ITGB4: variants seen among roughly 807,000 people sequenced by gnomAD.
The protein encoded by ITGB4 is integrin subunit beta 4.
Under a neutral mutation model 207.6 loss-of-function variants are expected in ITGB4, and 159 were observed. That is an observed-to-expected ratio of 0.77 (90% confidence interval 0.67 to 0.87). The LOEUF (loss-of-function observed/expected upper bound fraction) is 0.87. Ranked by LOEUF, ITGB4 falls within the 40% of genes least tolerant of loss-of-function variation. The probability of loss-of-function intolerance (pLI) is 0.00; values close to 1 mark genes in which losing one functional copy is unlikely to be tolerated. For synonymous variants in ITGB4, 1,020 were observed against 1,062.7 expected, an observed-to-expected ratio of 0.96 and a Z score of 0.78; for missense variants, 2,278 against 2,546.8, an observed-to-expected ratio of 0.89 and a Z score of 2.27.
Position 75,742,913 on chromosome 17 carries a change from G to T in ITGB4, c.2962+152G>T, listed in dbSNP as rs919148647. The T allele has an allele frequency of 6.6e-6, 5 of 755,720 alleles. No individual in the cohort carries two copies. Among genetic ancestry groups the T allele is most frequent in the African/African-American group, 1.8e-5 (1 of 57,102 alleles). 46.8% of individuals were successfully genotyped at this position (755,720 alleles called of 1,614,324 possible). A position where few individuals can be genotyped will look rare whatever the true frequency, so the allele number is the denominator to read the frequency against. On this transcript the variant is annotated intron_variant, in intron 25 of 39. Transcript: ENST00000200181. This position sits in a 1 kb window ranked among gnomAD's most constrained non-coding sequence, Gnocchi z 5.9. ...TTTCTCCATCTGTAAAATGGGTAAG[G>T]GCTCTTTTACGGAATGCGTGGCTGT... is the stretch of plus-strand genomic sequence containing the variant.
At position 75,722,997 on chromosome 17, in the gene ITGB4, C is replaced by T. The variant is rs191188436; in HGVS notation, c.-11+1385C>T. ...AATTCCTAACTTTTATGGGAAATCT[C>T]GTTGTTTCTAACATTGGCTCCTACT... On this transcript the variant is annotated intron_variant, in intron 1 of 39. Coordinates refer to ENST00000200181, the MANE Select transcript of ITGB4 (RefSeq NM_000213.5). This position sits in a 1 kb window ranked among gnomAD's most constrained non-coding sequence, Gnocchi z 6.2. Among the ~76,000 whole-genome samples, 146 of 152,270 alleles carry T rather than the reference C, an allele frequency of 9.6e-4. 1 individual carries two copies. The highest frequency in any genetic ancestry group is 3.2e-3 in the African/African-American group (131 of 41,544).
In ITGB4 at chr17:75,724,776, A is replaced by G; in HGVS notation, c.73A>G (p.Thr25Ala). 6.2e-7 allele frequency: 1 copy of G among 1,613,476 alleles called. No individual in the cohort carries two copies. Among genetic ancestry groups the G allele is most frequent in the Non-Finnish European group, 8.5e-7 (1 of 1,179,900 alleles). ...AALISVSLSG[T>A]LANRCKKAPV... ...CTTGATCAGCGTCAGCCTCTCTGGG[A>G]CCTTGGGTGAGTCCACGTTGCCCTG... Residue 25 changes from threonine (T) to alanine (A), a missense_variant, in exon 2 of 40, where the codon ACC becomes GCC. Physicochemically the swap from Thr to Ala is moderately conservative, Grantham distance 58. Coordinates refer to ENST00000200181, the MANE Select transcript of ITGB4 (RefSeq NM_000213.5).
In ITGB4 at chr17:75,731,429, T is replaced by C; in HGVS notation, c.1215+61T>C. ...GCACAGCGCCCCACACCGAGTGGAATCGTTTAAAACAGCGGTCAAGAGCGT... is the reference window on the plus strand; with the variant it reads ...GCACAGCGCCCCACACCGAGTGGAACCGTTTAAAACAGCGGTCAAGAGCGT... On this transcript the variant is annotated intron_variant, in intron 10 of 39. Transcript: ENST00000200181. The surrounding 1 kb of genome is among the most constrained non-coding windows in gnomAD (Gnocchi z 6.8). The C allele has an allele frequency of 6.5e-7, 1 of 1,548,934 alleles. No individual in the cohort carries two copies.
Position 75,757,285 on chromosome 17 carries a change from C to G in ITGB4, c.5304C>G (p.Thr1768=), listed in dbSNP as rs768508726. The change falls in exon 39 of 40, where the codon ACC becomes ACG. Residue 1768 remains threonine (T), a synonymous_variant. Transcript: ENST00000200181. Reference sequence around the variant, plus strand: ...ACAGCAGCATCACCACCACCCACACCAGCGCCACCGAGCCCTTCCTAGTGG... The same window carrying G: ...ACAGCAGCATCACCACCACCCACACGAGCGCCACCGAGCCCTTCCTAGTGG... ...SEYSSITTTH[T]SATEPFLVDG... The G allele has an allele frequency of 6.2e-7, 1 of 1,611,884 alleles. No homozygotes were observed. Among genetic ancestry groups the G allele is most frequent in the Non-Finnish European group, 8.5e-7 (1 of 1,179,982 alleles).
At position 75,736,672 on chromosome 17, in the gene ITGB4, G is replaced by A. The variant is rs377703595; in HGVS notation, c.1968G>A (p.Lys656=). 8.1e-6 allele frequency: 13 copies of A among 1,596,892 alleles called. No individual in the cohort carries two copies. Among genetic ancestry groups the A allele is most frequent in the Admixed American group, 1.8e-5 (1 of 55,888 alleles). The change falls in exon 16 of 40, where the codon AAG becomes AAA. Residue 656 remains lysine, a synonymous_variant. Transcript: ENST00000200181. Reference sequence around the variant, plus strand: ...GTGAGGAATGCAACTTCAAGGTCAAGATGGTGGACGAGCTTAAGAGAGGTA... The same window carrying A: ...GTGAGGAATGCAACTTCAAGGTCAAAATGGTGGACGAGCTTAAGAGAGGTA... The part of the protein sequence containing the change: ...RTCEECNFKV[K]MVDELKRAEE...
chr17:75,727,717 C>T lies in ITGB4; in HGVS notation c.331C>T (p.Arg111Trp), dbSNP rs141385926. 221 of 1,613,388 alleles carry T rather than the reference C, an allele frequency of 1.4e-4. 3 individuals carry two copies. In the South Asian group the frequency reaches 1.9e-3, roughly 14 times the overall value. ...CCCCCAAGGCCTGCGGGTCCGTCTG[C>T]GGCCCGGTGAGGAGCGGCATTTTGA... ...MSPQGLRVRL[R>W]PGEERHFELE... The change falls in exon 5 of 40, where the codon CGG becomes TGG. Residue 111 changes from arginine (R) to tryptophan (W), a missense_variant. By Grantham distance (101) the Arg-to-Trp change is moderately radical. Transcript: ENST00000200181. The surrounding 1 kb of genome is among the most constrained non-coding windows in gnomAD (Gnocchi z 6.0).
At chr17:75,744,677 C>T (rs1406063026) in intron 26 of ITGB4, among the ~76,000 whole-genome samples, 2 of 152,370 alleles carry the variant, frequency 1.3e-5, no homozygotes, top group African/African-American at 4.8e-5. Flanking sequence ...GCTGGACCAG[C>T]ATCACCTTCA....
chr17:75,756,838 T>A lies in ITGB4; in HGVS notation c.5032T>A (p.Cys1678Ser), dbSNP rs778733161. ...NGDIVGYLVT[C>S]EMAQGGGPAT... is the part of the protein sequence containing the mutation. Reference sequence around the variant, plus strand: ...GGATATCGTCGGCTACCTGGTGACCTGTGAGATGGCCCAAGGAGGAGGTGC... The same window carrying A: ...GGATATCGTCGGCTACCTGGTGACCAGTGAGATGGCCCAAGGAGGAGGTGC... The change falls in exon 37 of 40, where the codon TGT becomes AGT. Residue 1678 changes from cysteine to serine, a missense_variant. Physicochemically the swap from Cys to Ser is moderately radical, Grantham distance 112. Transcript: ENST00000200181. 3 of 1,612,312 alleles carry A rather than the reference T, an allele frequency of 1.9e-6. No homozygotes were observed. The South Asian group carries it at 3.3e-5, about 18-fold the overall frequency.
At chr17:75,744,416 G>A (rs140368125) in intron 26 of ITGB4, among the ~76,000 whole-genome samples, 5 of 151,124 alleles carry the variant, frequency 3.3e-5, no homozygotes, top group East Asian at 4.0e-4. Context: ...CACCGCGCCC[G>A]GCCCAAGAGG....
At position 75,750,829 on chromosome 17, in the gene ITGB4, C is replaced by T. The variant is rs145928221; in HGVS notation, c.3624C>T (p.Ser1208=). The part of the protein sequence containing the change: ...AYGAQGEGPY[S]SLVSCRTHQE... Reference sequence around the variant, plus strand: ...GGGCTCAGGGCGAGGGACCCTACAGCTCCCTGGTGTCCTGCCGCACCCACC... The same window carrying T: ...GGGCTCAGGGCGAGGGACCCTACAGTTCCCTGGTGTCCTGCCGCACCCACC... Residue 1208 remains serine, a synonymous_variant, in exon 29 of 40, where the codon AGC becomes AGT. Transcript: ENST00000200181. The surrounding 1 kb of genome is among the most constrained non-coding windows in gnomAD (Gnocchi z 5.5). 2.5e-4 allele frequency: 400 copies of T among 1,613,418 alleles called. No homozygotes were observed. Among genetic ancestry groups the T allele is most frequent in the Non-Finnish European group, 3.1e-4 (367 of 1,180,014 alleles).
Position 75,757,324 on chromosome 17 carries a change from G to A in ITGB4, c.5329+14G>A. On this transcript the variant is annotated intron_variant, in intron 39 of 39. Transcript: ENST00000200181. Reference sequence around the variant, plus strand: ...CCTTCCTAGTGGGTGAGCACTGAGGGCTAGGGGATCCCGGCTCTCCTGGGA... The same window carrying A: ...CCTTCCTAGTGGGTGAGCACTGAGGACTAGGGGATCCCGGCTCTCCTGGGA... The A allele has an allele frequency of 1.9e-6, 3 of 1,612,600 alleles. No individual in the cohort carries two copies. The highest frequency in any genetic ancestry group is 2.5e-6 in the Non-Finnish European group (3 of 1,179,932).
chr17:75,731,024 G>C lies in ITGB4; in HGVS notation c.1092+60G>C. On this transcript the variant is annotated intron_variant, in intron 9 of 39. Coordinates refer to ENST00000200181, the MANE Select transcript of ITGB4 (RefSeq NM_000213.5). This position sits in a 1 kb window ranked among gnomAD's most constrained non-coding sequence, Gnocchi z 6.8. The stretch of plus-strand genomic sequence containing the variant: ...TCTGGGGCAGGGCAGGAAGTGGGCA[G>C]GGTGGGCAAGAGGTGTCTTGGATCA... The C allele has an allele frequency of 6.6e-7, 1 of 1,512,688 alleles. No homozygotes were observed. Among genetic ancestry groups the C allele is most frequent in the Middle Eastern group, 1.8e-4 (1 of 5,644 alleles). The allele number at this position is 1,512,688 out of a possible 1,614,324, so 93.7% of individuals were successfully genotyped here.
chr17:75,727,292 C>T lies in ITGB4; in HGVS notation c.162+15C>T, dbSNP rs1246062740. Reference sequence around the variant, plus strand: ...GCACAGACGAGGTGAGGACCTGGCCCGGGTTGGTGTGGAACAGGCAAGGGT... The same window carrying T: ...GCACAGACGAGGTGAGGACCTGGCCTGGGTTGGTGTGGAACAGGCAAGGGT... On this transcript the variant is annotated intron_variant, in intron 3 of 39. Transcript: ENST00000200181. The surrounding 1 kb of genome is among the most constrained non-coding windows in gnomAD (Gnocchi z 6.0). The T allele has an allele frequency of 2.5e-6, 4 of 1,613,574 alleles. No individual in the cohort carries two copies. The highest frequency in any genetic ancestry group is 1.7e-5 in the Admixed American group (1 of 59,970).
Position 75,727,596 on chromosome 17 carries a change from C to T in ITGB4, c.265-55C>T. The T allele has an allele frequency of 6.3e-7, 1 of 1,580,558 alleles. No individual in the cohort carries two copies. The highest frequency in any genetic ancestry group is 8.6e-7 in the Non-Finnish European group (1 of 1,163,134). On this transcript the variant is annotated intron_variant, in intron 4 of 39. Transcript: ENST00000200181. The surrounding 1 kb of genome is among the most constrained non-coding windows in gnomAD (Gnocchi z 6.0). The stretch of plus-strand genomic sequence containing the variant: ...AGTGCCCCTTGGCCGGGCTGGGCCC[C>T]CATCGGGCCTCCGGAGTGACCCTCT...
rs776632427 is a variant in ITGB4 at position 75,732,117 on chromosome 17, G to C, written c.1378-46G>C. On this transcript the variant is annotated intron_variant, in intron 11 of 39. Coordinates refer to ENST00000200181, the MANE Select transcript of ITGB4 (RefSeq NM_000213.5). The surrounding 1 kb of genome is among the most constrained non-coding windows in gnomAD (Gnocchi z 5.3). ...GAGAGCGGAAGTGTCCAGTGGCCCC[G>C]GTCCTGCTCCCCCGACGCACCCCAC... 1 of 1,610,154 alleles carries C rather than the reference G, an allele frequency of 6.2e-7. No homozygotes were observed. Among genetic ancestry groups the C allele is most frequent in the Admixed American group, 1.7e-5 (1 of 60,016 alleles).
intron 1 of ITGB4, among the ~76,000 whole-genome samples, chr17:75,721,829 G>A (rs1044050123): frequency 6.6e-6 from 1 of 152,222 alleles, no homozygotes; most frequent in Non-Finnish European, 1.5e-5. Flanking sequence ...CAGACCTCCA[G>A]GCCAGAGGAG....
At chr17:75,730,764 A>T in intron 8 of ITGB4, 111 bp from the exon 9 acceptor site, 1 of 1,141,180 alleles carries the variant, frequency 8.8e-7, no homozygotes, top group Non-Finnish European at 1.3e-6. Context: ...GCTCTGCGAC[A>T]CCACAGTAGG....
At chr17:75,751,869 C>A (rs1293438971) in intron 30 of ITGB4, 4 of 470,432 alleles carry the variant, frequency 8.5e-6, no homozygotes, top group Non-Finnish European at 1.2e-5. Context: ...CCTATGCGTG[C>A]CCTTGCCTTG....
At chr17:75,755,331 C>A in intron 34 of ITGB4, 1 of 1,119,768 alleles carries the variant, frequency 8.9e-7, no homozygotes, top group Non-Finnish European at 1.3e-6. Context: ...ACAGGACCCC[C>A]GCCTGCCCAC....
Sources: allele counts gnomAD v4.1 joint callset (sites outside exome capture counted in the v4.1 genomes callset), GRCh38; gene constraint gnomAD v4.1.1; non-coding constraint Gnocchi (gnomAD v3.1); transcripts MANE v1.5; gene names NCBI Gene and HGNC (gene_info 2026-07-23, HGNC 2026-07-21).